Variants in PRKAG2 observed in about 807,000 individuals in gnomAD.
PRKAG2 encodes the protein protein kinase AMP-activated non-catalytic subunit gamma 2.
A neutral mutation model predicts 69.6 loss-of-function variants in PRKAG2; 26 were observed. That is an observed-to-expected ratio of 0.37 (90% CI 0.27 to 0.52). PRKAG2 has a LOEUF of 0.52. Among genes scored for constraint, PRKAG2 ranks in the 20% least tolerant of loss-of-function variants. The pLI is 0.90. For missense variants in PRKAG2, 557 were observed against 740.0 expected, an observed-to-expected ratio of 0.75 and a Z score of 2.87; for synonymous variants, 293 against 285.0, an observed-to-expected ratio of 1.03 and a Z score of -0.28.
At chr7:151,628,129 T>C (rs916361591) in intron 5 of PRKAG2, among the ~76,000 whole-genome samples, 13 of 152,242 alleles carry the variant, frequency 8.5e-5, no homozygotes, top group Middle Eastern at 3.4e-3. Context: ...TATCAAAAAC[T>C]TGAAAGAGCC....
At chr7:151,858,894 G>A (rs972022166) in intron 1 of PRKAG2, among the ~76,000 whole-genome samples, 6 of 152,248 alleles carry the variant, frequency 3.9e-5, no homozygotes, top group African/African-American at 1.4e-4. Flanking sequence ...AGTCTTGATG[G>A]AGCTGACGGG....
At chr7:151,794,620 C>G (rs368621029) in intron 1 of PRKAG2, among the ~76,000 whole-genome samples, 2 of 152,240 alleles carry the variant, frequency 1.3e-5, no homozygotes, top group Non-Finnish European at 2.9e-5. Context: ...GCGGCTCCCG[C>G]GGAAGCCAGG....
intron 3 of PRKAG2, among the ~76,000 whole-genome samples, chr7:151,690,205 T>C (rs1835444798): frequency 6.6e-6 from 1 of 152,162 alleles, no homozygotes; most frequent in African/African-American, 2.4e-5. Flanking sequence ...AGGTAACCAC[T>C]CATCCCGAGG....
intron 1 of PRKAG2, among the ~76,000 whole-genome samples, chr7:151,853,005 T>A (rs1350684070): frequency 6.6e-6 from 1 of 152,152 alleles, no homozygotes; most frequent in East Asian, 1.9e-4. Flanking sequence ...CCTCCAAAGG[T>A]AGGGGCGGCT....
At position 151,836,465 on chromosome 7, in the gene PRKAG2, C is replaced by T. The variant is rs1401416990; in HGVS notation, c.114+40042G>A. Among the ~76,000 whole-genome samples, 2 of 152,246 alleles carry T rather than the reference C, an allele frequency of 1.3e-5. No individual in the cohort carries two copies. The highest frequency in any genetic ancestry group is 2.9e-5 in the Non-Finnish European group (2 of 68,034). ...GGAGAACCAGGGTCAAGTCCCTTCACTCAGTCACCAAAACAAGAAACAAAA... is the reference window on the plus strand; with the variant it reads ...GGAGAACCAGGGTCAAGTCCCTTCATTCAGTCACCAAAACAAGAAACAAAA... On this transcript the variant is annotated intron_variant, in intron 1 of 15. Coordinates refer to ENST00000287878, the MANE Select transcript of PRKAG2 (RefSeq NM_016203.4). The surrounding 1 kb of genome is among the most constrained non-coding windows in gnomAD (Gnocchi z 4.1).
chr7:151,746,286 T>C (rs2074279410), intron 3 of PRKAG2, among the ~76,000 whole-genome samples: 2 of 152,196 alleles, frequency 1.3e-5, no homozygotes, highest in South Asian at 4.1e-4. Context: ...AAGAAGCCCC[T>C]AGCTTAGATT....
At chr7:151,739,725 C>T (rs1163665522) in intron 3 of PRKAG2, among the ~76,000 whole-genome samples, 1 of 152,144 alleles carries the variant, frequency 6.6e-6, no homozygotes, top group African/African-American at 2.4e-5. Flanking sequence ...CCCGCCTTGG[C>T]CTCCCAACAT....
At chr7:151,672,805 G>A (rs1033263684) in intron 4 of PRKAG2, among the ~76,000 whole-genome samples, 1 of 151,928 alleles carries the variant, frequency 6.6e-6, no homozygotes. Flanking sequence ...AATCCCACTC[G>A]ACTGCACACT....
intron 1 of PRKAG2, among the ~76,000 whole-genome samples, chr7:151,838,701 T>C (rs1382723535): frequency 7.1e-6 from 1 of 141,104 alleles, no homozygotes; most frequent in African/African-American, 2.7e-5. Flanking sequence ...AGCAAGACCC[T>C]GTTTCAAAAA....
At chr7:151,646,288 A>G (rs1827550211) in intron 4 of PRKAG2, among the ~76,000 whole-genome samples, 1 of 152,232 alleles carries the variant, frequency 6.6e-6, no homozygotes, top group African/African-American at 2.4e-5. Context: ...AAATGACAAC[A>G]GTATTAAGTG....
chr7:151,633,865 T>A (rs1055455969), intron 4 of PRKAG2, among the ~76,000 whole-genome samples: 17 of 152,324 alleles, frequency 1.1e-4, no homozygotes, highest in East Asian at 3.9e-4. Flanking sequence ...GGGTTTTTTT[T>A]AAAGACATAA....
At chr7:151,606,303 A>C (rs1817545245) in intron 5 of PRKAG2, among the ~76,000 whole-genome samples, 1 of 152,230 alleles carries the variant, frequency 6.6e-6, no homozygotes, top group South Asian at 2.1e-4. Context: ...ATACAGTAAA[A>C]TATAAAACGT....
chr7:151,611,650 C>T lies in PRKAG2; in HGVS notation c.755-16196G>A, dbSNP rs527714257. ...TCCCACCAGGACAAGTGGCAGGAAC[C>T]GCAGGGAAAGCTGGAAACACAACAG... On this transcript the variant is annotated intron_variant, in intron 5 of 15. Transcript: ENST00000287878. 2.0e-5 allele frequency among the ~76,000 whole-genome samples: 3 copies of T among 152,246 alleles called. No individual in the cohort carries two copies. The South Asian group carries it at 6.2e-4, about 32-fold the overall frequency.
intron 3 of PRKAG2, among the ~76,000 whole-genome samples, chr7:151,688,729 TA>T (rs1410593653): frequency 6.6e-6 from 1 of 152,228 alleles, no homozygotes; most frequent in Non-Finnish European, 1.5e-5. Flanking sequence ...GGGGAAGAAG[TA>T]GTTCTTCAAC....
intron 5 of PRKAG2, among the ~76,000 whole-genome samples, chr7:151,630,639 C>T (rs1005335541): frequency 6.6e-6 from 1 of 152,190 alleles, no homozygotes; most frequent in Admixed American, 6.5e-5. Flanking sequence ...CTTCTTGCCT[C>T]CCTGCTAATT....
intron 3 of PRKAG2, among the ~76,000 whole-genome samples, chr7:151,727,782 CG>C (rs1325799866): frequency 1.3e-5 from 2 of 152,260 alleles, no homozygotes; most frequent in East Asian, 3.9e-4. Flanking sequence ...GCAGGGCAGC[CG>C]GGTCAGCGTT....
intron 1 of PRKAG2, among the ~76,000 whole-genome samples, chr7:151,847,304 C>G (rs151015836): frequency 2.0e-5 from 3 of 152,328 alleles, no homozygotes; most frequent in African/African-American, 7.2e-5. Flanking sequence ...AGCCCCTGAG[C>G]TGCCGGTAAT....
intron 3 of PRKAG2, among the ~76,000 whole-genome samples, chr7:151,778,054 A>G (rs906487783): frequency 1.3e-5 from 2 of 152,030 alleles, no homozygotes; most frequent in African/African-American, 2.4e-5. Context: ...CAACCAATGG[A>G]CCCCACCCAG....
intron 1 of PRKAG2, among the ~76,000 whole-genome samples, chr7:151,787,515 G>A (rs1341706029): frequency 2.0e-5 from 3 of 152,158 alleles, no homozygotes; most frequent in Non-Finnish European, 4.4e-5. Flanking sequence ...CCTCCAGGTG[G>A]TAGTGTGTGC....
Sources: allele counts gnomAD v4.1 joint callset (sites outside exome capture counted in the v4.1 genomes callset), GRCh38; gene constraint gnomAD v4.1.1; non-coding constraint Gnocchi (gnomAD v3.1); transcripts MANE v1.5; gene names NCBI Gene and HGNC (gene_info 2026-07-23, HGNC 2026-07-21).